Variants in NSUN6 observed in about 807,000 individuals in gnomAD.
NSUN6 encodes the protein NOP2/Sun RNA methyltransferase 6.
Under a neutral mutation model 58.0 loss-of-function variants are expected in NSUN6, and 64 were observed. The ratio of observed to expected loss-of-function variants is 1.10; its 90% CI spans 0.90 to 1.36. NSUN6 has a LOEUF of 1.36. Ranked by LOEUF, NSUN6 falls within the 40% of genes most tolerant of loss-of-function variation. The pLI is 0.00. For missense variants in NSUN6, 701 were observed against 550.1 expected, an observed-to-expected ratio of 1.27 and a Z score of -2.74; for synonymous variants, 231 against 193.9, an observed-to-expected ratio of 1.19 and a Z score of -1.59.
At chr10:18,575,906 T>TA (rs1348290281) in intron 8 of NSUN6, among the ~76,000 whole-genome samples, 6 of 152,184 alleles carry the variant, frequency 3.9e-5, no homozygotes, top group African/African-American at 1.2e-4. Flanking sequence ...GCGCTGTCCT[T>TA]AGAGTTCCGG....
At chr10:18,566,871 C>T (rs2055996513) in intron 8 of NSUN6, among the ~76,000 whole-genome samples, 1 of 149,556 alleles carries the variant, frequency 6.7e-6, no homozygotes, top group South Asian at 2.1e-4. Context: ...TTCTCCATTC[C>T]ATTCATTCCA....
In NSUN6 at chr10:18,596,064, A is replaced by T. The variant is rs1461011475; in HGVS notation, c.777+144T>A. ...ATGATCATTGTCTACTGAGCTTAAT[A>T]TGTAGTGACTGACATAACTGAATAG... On this transcript the variant is annotated intron_variant, in intron 7 of 10. Transcript: ENST00000377304. 2.3e-5 allele frequency: 15 copies of T among 640,924 alleles called. No homozygotes were observed. In the South Asian group the frequency reaches 2.6e-4, roughly 11 times the overall value. The allele number at this position is 640,924 out of a possible 1,614,324, so 39.7% of individuals were successfully genotyped here. A position where few individuals can be genotyped will look rare whatever the true frequency, so the allele number is the denominator to read the frequency against.
At chr10:18,626,740 T>C (rs773018172) in intron 3 of NSUN6, among the ~76,000 whole-genome samples, 2 of 152,120 alleles carry the variant, frequency 1.3e-5, no homozygotes, top group Admixed American at 6.6e-5. Flanking sequence ...GCACTCTAGC[T>C]TGGGCAACAA....
intron 6 of NSUN6, among the ~76,000 whole-genome samples, chr10:18,597,685 G>C (rs1590006267): frequency 6.6e-6 from 1 of 152,164 alleles, no homozygotes; most frequent in African/African-American, 2.4e-5. Context: ...AGAATCACTT[G>C]AACCCAGGAG....
chr10:18,601,121 G>A (rs192813412), intron 6 of NSUN6, among the ~76,000 whole-genome samples: 2 of 150,776 alleles, frequency 1.3e-5, no homozygotes, highest in South Asian at 2.1e-4. Context: ...TCAAGAAACC[G>A]TATCAGTTTT....
intron 7 of NSUN6, 100 bp from the exon 8 acceptor site, chr10:18,586,193 C>A (rs1564762320): frequency 8.7e-6 from 8 of 921,252 alleles, no homozygotes; most frequent in African/African-American, 1.7e-5. Flanking sequence ...AAATTATGGT[C>A]TTTTCCACCA....
intron 8 of NSUN6, among the ~76,000 whole-genome samples, chr10:18,568,479 C>T (rs921612781): frequency 4.0e-5 from 6 of 151,250 alleles, no homozygotes; most frequent in African/African-American, 1.5e-4. Flanking sequence ...CCATTGCATT[C>T]CATTCTATTC....
chr10:18,562,327 T>C, intron 8 of NSUN6, among the ~76,000 whole-genome samples: 1 of 148,988 alleles, frequency 6.7e-6, no homozygotes, highest in East Asian at 2.0e-4. Flanking sequence ...CAGAATGGAA[T>C]GGATTGCAGA....
At chr10:18,628,801 G>C (rs1362729988) in intron 3 of NSUN6, among the ~76,000 whole-genome samples, 3 of 152,182 alleles carry the variant, frequency 2.0e-5, no homozygotes, top group Admixed American at 6.5e-5. Flanking sequence ...AAGTGACGGG[G>C]AGAATGGAAT....
At chr10:18,569,068 T>C (rs2056175464) in intron 8 of NSUN6, among the ~76,000 whole-genome samples, 1 of 151,418 alleles carries the variant, frequency 6.6e-6, no homozygotes, top group Admixed American at 6.6e-5. Context: ...CTCCATTTCA[T>C]TCCATTCTCC....
At chr10:18,563,579 TTCCATTCCATTC>T (rs2055702770) in intron 8 of NSUN6, among the ~76,000 whole-genome samples, 1 of 150,914 alleles carries the variant, frequency 6.6e-6, no homozygotes, top group South Asian at 2.1e-4. Flanking sequence ...CTCCCTTCCC[TTCCATTCCATTC>T]TCCATTCCAT....
chr10:18,569,583 T>C (rs1337935780), intron 8 of NSUN6, among the ~76,000 whole-genome samples: 1 of 151,366 alleles, frequency 6.6e-6, no homozygotes, highest in Admixed American at 6.6e-5. Flanking sequence ...TATTGTCCAT[T>C]CCATTCTCCA....
chr10:18,574,270 C>A (rs11014961), intron 8 of NSUN6, among the ~76,000 whole-genome samples: 8,359 of 152,056 alleles, frequency 0.055, 308 homozygotes, highest in Non-Finnish European at 0.077. Context: ...AGAGCAAGCA[C>A]GCCTCACCAA....
intron 8 of NSUN6, among the ~76,000 whole-genome samples, chr10:18,579,354 TAG>T (rs2056805347): frequency 6.6e-6 from 1 of 152,098 alleles, no homozygotes; most frequent in African/African-American, 2.4e-5. Context: ...GTATTTTTAG[TAG>T]AGACAGGGTT....
upstream of NSUN6, chr10:18,655,225 C>A (rs2059764448): frequency 1.2e-6 from 1 of 819,696 alleles, no homozygotes. Context: ...ATGGTATTAA[C>A]ATATGACTGA....
intron 3 of NSUN6, among the ~76,000 whole-genome samples, chr10:18,633,263 G>A (rs2059100830): frequency 6.8e-6 from 1 of 146,732 alleles, no homozygotes. Context: ...TTGTGGGGTG[G>A]TGGGAGCGGG....
At chr10:18,635,989 A>C (rs1485696614) in intron 3 of NSUN6, among the ~76,000 whole-genome samples, 5 of 151,324 alleles carry the variant, frequency 3.3e-5, no homozygotes, top group Admixed American at 1.3e-4. Flanking sequence ...TGTTACAAGG[A>C]GGAAAAGTTT....
chr10:18,616,252 G>C lies in NSUN6; in HGVS notation c.353C>G (p.Ala118Gly). 5 of 1,611,454 alleles carry C rather than the reference G, an allele frequency of 3.1e-6. No homozygotes were observed. Among genetic ancestry groups the C allele is most frequent in the Non-Finnish European group, 4.2e-6 (5 of 1,177,640 alleles). The change falls in exon 4 of 11, where the codon GCC becomes GGC. Residue 118 changes from alanine (A) to glycine (G), a missense_variant. Physicochemically the swap from Ala to Gly is moderately conservative, Grantham distance 60. Transcript: ENST00000377304. ...KKQQCEAIVG[A>G]QCGNAVLRGA... ...TCTTAAAACTGCATTGCCACACTGG[G>C]CTCCAACAATGGCTTCACACTGTTG...
intron 9 of NSUN6, 73 bp from the exon 10 acceptor site, chr10:18,548,310 G>A: frequency 7.8e-7 from 1 of 1,278,692 alleles, no homozygotes; most frequent in South Asian, 1.4e-5. Flanking sequence ...CAAAGCAAAA[G>A]GTATAATGTC....
Sources: gnomAD v4.1 joint callset for allele counts (sites outside exome capture counted in the v4.1 genomes callset) on GRCh38, gnomAD v4.1.1 for gene constraint, MANE v1.5 for transcripts, NCBI Gene and HGNC (gene_info 2026-07-23, HGNC 2026-07-21) for gene names.